Variants in MRPS9 observed in about 807,000 individuals in gnomAD.
The protein encoded by MRPS9 is small ribosomal subunit protein uS9m.
MRPS9 carries 45 observed loss-of-function variants against 59.9 expected under a neutral mutation model. The ratio of observed to expected loss-of-function variants is 0.75; its 90% CI spans 0.59 to 0.96. The LOEUF (loss-of-function observed/expected upper bound fraction) is 0.96. Among genes scored for constraint, MRPS9 ranks in the 40% least tolerant of loss-of-function variants. The pLI, the probability that MRPS9 is intolerant of heterozygous loss-of-function variation, is 0.00. For missense variants in MRPS9, 473 were observed against 481.1 expected (o/e 0.98, Z 0.16); for synonymous variants, 171 against 166.8 (o/e 1.03, Z -0.19).
At chr2:105,060,884 G>C (rs992095614) in intron 2 of MRPS9, among the ~76,000 whole-genome samples, 1 of 151,574 alleles carries the variant, frequency 6.6e-6, no homozygotes, top group Non-Finnish European at 1.5e-5. Flanking sequence ...GGCCGAGGCG[G>C]GCAGATCACG....
At chr2:105,057,377 G>T (rs150147684) in intron 2 of MRPS9, among the ~76,000 whole-genome samples, 7 of 152,284 alleles carry the variant, frequency 4.6e-5, no homozygotes, top group African/African-American at 1.7e-4. Context: ...ATGTTGATCA[G>T]TGTGTAAAAA....
chr2:105,088,918 T>C lies in MRPS9; in HGVS notation c.490-66T>C, dbSNP rs140645435. The C allele has an allele frequency of 8.7e-3, 9,576 of 1,104,648 alleles. 61 individuals carry two copies. Among genetic ancestry groups the C allele is most frequent in the Middle Eastern group, 0.014 (61 of 4,284 alleles). 68.4% of individuals were successfully genotyped at this position (1,104,648 alleles called of 1,614,324 possible). On this transcript the variant is annotated intron_variant, in intron 5 of 10. Coordinates refer to ENST00000258455, the MANE Select transcript of MRPS9 (RefSeq NM_182640.3). Reference sequence around the variant, plus strand: ...ACTTACAGGAGAAAACTATAAAATATATCAGAAGTTATAATGTACCATTGC... The same window carrying C: ...ACTTACAGGAGAAAACTATAAAATACATCAGAAGTTATAATGTACCATTGC...
intron 5 of MRPS9, among the ~76,000 whole-genome samples, chr2:105,082,480 C>T (rs1205818863): frequency 6.6e-6 from 1 of 152,120 alleles, no homozygotes; most frequent in Admixed American, 6.5e-5. Flanking sequence ...GCATAGGAAG[C>T]GTATATATTA....
rs542852431 is a variant in MRPS9 at position 105,071,551 on chromosome 2, T to C, written c.409+62T>C. The C allele has an allele frequency of 1.2e-4, 186 of 1,513,984 alleles. 1 individual carries two copies. In the South Asian group the frequency reaches 2.1e-3, roughly 17 times the overall value. 93.8% of individuals were successfully genotyped at this position (1,513,984 alleles called of 1,614,324 possible). A position where few individuals can be genotyped will look rare whatever the true frequency, so the allele number is the denominator to read the frequency against. On this transcript the variant is annotated intron_variant, in intron 4 of 10. Transcript: ENST00000258455. ...TTTACCGTATTCCGGTGTTAGGTTA[T>C]GTATCAGCGGTTGCTCACATATCGT...
chr2:105,075,916 C>A (rs1680202226), intron 4 of MRPS9, among the ~76,000 whole-genome samples: 1 of 151,628 alleles, frequency 6.6e-6, no homozygotes, highest in South Asian at 2.1e-4. Flanking sequence ...TCAATAGATC[C>A]CATTAAGTTC....
intron 5 of MRPS9, among the ~76,000 whole-genome samples, chr2:105,087,473 T>G (rs1050278396): frequency 6.6e-6 from 1 of 152,098 alleles, no homozygotes; most frequent in African/African-American, 2.4e-5. Flanking sequence ...TGAGCTAGAG[T>G]GATGGATTTA....
chr2:105,097,044 T>G, intron 9 of MRPS9, 111 bp from the exon 10 acceptor site: 2 of 1,139,422 alleles, frequency 1.8e-6, no homozygotes, highest in South Asian at 2.3e-5. Flanking sequence ...ATGAAAAGTA[T>G]AACAGTGGCA....
intron 1 of MRPS9, among the ~76,000 whole-genome samples, chr2:105,038,780 G>A (rs1458139294): frequency 6.6e-6 from 1 of 152,214 alleles, no homozygotes; most frequent in East Asian, 1.9e-4. Context: ...GAAGTGGGGA[G>A]TCAACAGCTG....
rs1213759527 is a variant in MRPS9 at position 105,038,124 on chromosome 2, C to G, written c.32C>G (p.Ala11Gly). The change falls in exon 1 of 11, where the codon GCA becomes GGA. Residue 11 changes from alanine to glycine, a missense_variant. Physicochemically the swap from Ala to Gly is moderately conservative, Grantham distance 60. Transcript: ENST00000258455. ...GCGCCCTGTGTGTCCTACGGCGGAG[C>G]AGTTTCGTACCGGCTTCTTCTCTGG... MAAPCVSYGG[A>G]VSYRLLLWGR... The G allele has an allele frequency of 2.5e-6, 4 of 1,613,964 alleles. No homozygotes were observed. The highest frequency in any genetic ancestry group is 3.4e-6 in the Non-Finnish European group (4 of 1,180,000).
intron 2 of MRPS9, among the ~76,000 whole-genome samples, chr2:105,070,330 A>G (rs562805302): frequency 6.6e-6 from 1 of 152,214 alleles, no homozygotes; most frequent in South Asian, 2.1e-4. Flanking sequence ...TAAGAGAATG[A>G]AGCTTGATCC....
rs1181065105 is a variant in MRPS9, at chr2:105,088,968, A to G, written c.490-16A>G. ...CTCTTATTTTTAGCATGTACTGTAT[A>G]TTTTGTTTGCCATAGGATGTATATG... On this transcript the variant is annotated splice_polypyrimidine_tract_variant and intron_variant, in intron 5 of 10. Coordinates refer to ENST00000258455, the MANE Select transcript of MRPS9 (RefSeq NM_182640.3). The G allele has an allele frequency of 6.4e-7, 1 of 1,569,070 alleles. No homozygotes were observed. Among genetic ancestry groups the G allele is most frequent in the East Asian group, 2.2e-5 (1 of 44,500 alleles).
chr2:105,099,819 A>G lies in MRPS9; in HGVS notation c.*58A>G. On this transcript the variant is annotated 3_prime_UTR_variant, in exon 11 of 11. Coordinates refer to ENST00000258455, the MANE Select transcript of MRPS9 (RefSeq NM_182640.3). Reference sequence around the variant, plus strand: ...ATATATATGTGCCGACATGTGGCAGACACACAGTAAATAATGGCTGACCAG... The same window carrying G: ...ATATATATGTGCCGACATGTGGCAGGCACACAGTAAATAATGGCTGACCAG... 13 of 1,518,082 alleles carry G rather than the reference A, an allele frequency of 8.6e-6. No homozygotes were observed. Among genetic ancestry groups the G allele is most frequent in the Non-Finnish European group, 1.1e-5 (12 of 1,097,060 alleles). 94.0% of individuals were successfully genotyped at this position (1,518,082 alleles called of 1,614,324 possible).
At chr2:105,065,793 CTT>C (rs1035973418) in intron 2 of MRPS9, among the ~76,000 whole-genome samples, 2 of 152,178 alleles carry the variant, frequency 1.3e-5, no homozygotes, top group African/African-American at 4.8e-5. Flanking sequence ...TCAAGATTCT[CTT>C]GTTATATGTA....
chr2:105,082,645 C>T (rs544576827), intron 5 of MRPS9, among the ~76,000 whole-genome samples: 84 of 152,100 alleles, frequency 5.5e-4, no homozygotes, highest in African/African-American at 1.9e-3. Context: ...GAAAAATGGC[C>T]ATGAAATATA....
intron 2 of MRPS9, among the ~76,000 whole-genome samples, chr2:105,053,259 T>C (rs1679743052): frequency 6.6e-6 from 1 of 152,216 alleles, no homozygotes; most frequent in Admixed American, 6.5e-5. Flanking sequence ...GGGATGTTAA[T>C]ATTATTTTCA....
At position 105,088,782 on chromosome 2, in the gene MRPS9, A is replaced by C. The variant is rs190306008; in HGVS notation, c.490-202A>C. 7.2e-5 allele frequency among the ~76,000 whole-genome samples: 11 copies of C among 152,282 alleles called. No homozygotes were observed. In the East Asian group the frequency reaches 2.1e-3, roughly 29 times the overall value. ...GATGTATGACACTAAATTCTCATTGAAATTACTCTATCATCCTTTAGTTTA... is the reference window on the plus strand; with the variant it reads ...GATGTATGACACTAAATTCTCATTGCAATTACTCTATCATCCTTTAGTTTA... On this transcript the variant is annotated intron_variant, in intron 5 of 10. Coordinates refer to ENST00000258455, the MANE Select transcript of MRPS9 (RefSeq NM_182640.3).
chr2:105,068,822 G>C (rs927175672), intron 2 of MRPS9, among the ~76,000 whole-genome samples: 10 of 152,148 alleles, frequency 6.6e-5, no homozygotes, highest in African/African-American at 2.4e-4. Flanking sequence ...GCACAGATGT[G>C]CCCTCATTTA....
chr2:105,061,353 G>T (rs1679898441), intron 2 of MRPS9, among the ~76,000 whole-genome samples: 1 of 152,042 alleles, frequency 6.6e-6, no homozygotes, highest in African/African-American at 2.4e-5. Flanking sequence ...GGGGTGGGAA[G>T]GCAATCTGAG....
chr2:105,089,194 G>A (rs183968009), intron 6 of MRPS9, 125 bp downstream of exon 6: 1 of 605,742 alleles, frequency 1.7e-6, no homozygotes, highest in Non-Finnish European at 2.8e-6. Context: ...AAGCATTAAG[G>A]TTAGGGTTCA....
Sources: gnomAD v4.1 joint callset for allele counts (sites outside exome capture counted in the v4.1 genomes callset) on GRCh38, gnomAD v4.1.1 for gene constraint, MANE v1.5 for transcripts, NCBI Gene and HGNC (gene_info 2026-07-23, HGNC 2026-07-21) for gene names.